CAST: variants seen among roughly 807,000 people sequenced by gnomAD.
CAST encodes calpastatin.
In CAST, 76 loss-of-function variants were observed where a neutral mutation model predicts 119.6. The observed-to-expected ratio is 0.64, with a 90% CI of 0.53 to 0.77. The LOEUF (loss-of-function observed/expected upper bound fraction) is 0.77. Among genes scored for constraint, CAST ranks in the 30% least tolerant of loss-of-function variants. CAST has a pLI of 0.00. For missense variants in CAST, 953 were observed against 946.5 expected (o/e 1.01, Z -0.09); for synonymous variants, 319 against 331.6 (o/e 0.96, Z 0.41).
chr5:96,446,820 A>G, the CAST span, among the ~76,000 whole-genome samples: 1 of 152,222 alleles, frequency 6.6e-6, no homozygotes, highest in African/African-American at 2.4e-5. Context: ...TGGGCTAGAA[A>G]AAAAGAGTTA....
At chr5:96,161,517 C>T in the CAST span, among the ~76,000 whole-genome samples, 2 of 152,156 alleles carry the variant, frequency 1.3e-5, no homozygotes, top group Non-Finnish European at 2.9e-5. Flanking sequence ...CAGTACCACA[C>T]TGTTTTGCTT....
chr5:96,363,034 G>C, the CAST span, among the ~76,000 whole-genome samples: 1 of 150,144 alleles, frequency 6.7e-6, no homozygotes, highest in Non-Finnish European at 1.5e-5. Context: ...AAGGGATCCA[G>C]TTTCAGCTTT....
the CAST span, among the ~76,000 whole-genome samples, chr5:96,364,261 C>T: frequency 7.2e-5 from 11 of 152,100 alleles, no homozygotes; most frequent in Non-Finnish European, 4.4e-5. Context: ...ATTTTTGCAT[C>T]GATGTTCATC....
intron 1 of CAST, among the ~76,000 whole-genome samples, chr5:96,588,196 C>CTT (rs140665192): frequency 3.2e-3 from 239 of 75,808 alleles, no homozygotes; most frequent in Non-Finnish European, 4.1e-3. Context: ...TTCTTTCTTT[C>CTT]TTTTTTTTTT....
At chr5:96,274,344 T>C in the CAST span, among the ~76,000 whole-genome samples, 19 of 151,878 alleles carry the variant, frequency 1.3e-4, no homozygotes, top group African/African-American at 3.9e-4. Context: ...CCTTGTAATC[T>C]GCCCACCCCG....
chr5:95,974,003 GCACACA>G, the CAST span, among the ~76,000 whole-genome samples: 894 of 146,960 alleles, frequency 6.1e-3, 10 homozygotes, highest in African/African-American at 0.02. Flanking sequence ...AAATTTGCAC[GCACACA>G]CACACACACA....
the CAST span, among the ~76,000 whole-genome samples, chr5:96,238,878 A>G: frequency 2.0e-5 from 3 of 152,196 alleles, no homozygotes; most frequent in Admixed American, 6.5e-5. Context: ...TGGATTGAAA[A>G]TGATTGTACA....
intron 2 of CAST, among the ~76,000 whole-genome samples, chr5:96,694,158 A>G (rs1271695898): frequency 6.6e-6 from 1 of 152,252 alleles, no homozygotes; most frequent in Non-Finnish European, 1.5e-5. Context: ...TTTCTTCTAA[A>G]TATTAAAGAA....
chr5:96,297,912 GT>G, the CAST span, among the ~76,000 whole-genome samples: 2 of 152,168 alleles, frequency 1.3e-5, no homozygotes, highest in African/African-American at 4.8e-5. Context: ...AATGACTAGA[GT>G]TCATCTCCTA....
the CAST span, among the ~76,000 whole-genome samples, chr5:96,485,529 CAGTGGGTACCAAA>C: frequency 6.6e-6 from 1 of 152,176 alleles, no homozygotes; most frequent in African/African-American, 2.4e-5. Context: ...AGTAACAAGG[CAGTGGGTACCAAA>C]AGTGGAAGAA....
chr5:96,573,306 T>G (rs1746604728), intron 1 of CAST, among the ~76,000 whole-genome samples: 1 of 152,134 alleles, frequency 6.6e-6, no homozygotes, highest in African/African-American at 2.4e-5. Flanking sequence ...TTATTTTTTA[T>G]GCTTTGTTAT....
the CAST span, among the ~76,000 whole-genome samples, chr5:95,982,867 A>G: frequency 7.2e-5 from 11 of 152,332 alleles, no homozygotes; most frequent in East Asian, 2.1e-3. Context: ...ATTAATTTAT[A>G]AAGACAAATG....
chr5:96,519,323 G>C, the CAST span, among the ~76,000 whole-genome samples: 1 of 152,172 alleles, frequency 6.6e-6, no homozygotes, highest in African/African-American at 2.4e-5. Context: ...AGGTATAGAG[G>C]CTGGCACCAA....
chr5:96,718,685 A>G (rs1757633032), intron 3 of CAST, among the ~76,000 whole-genome samples: 1 of 152,220 alleles, frequency 6.6e-6, no homozygotes, highest in African/African-American at 2.4e-5. Flanking sequence ...TGAATGACTC[A>G]AAGTGAAACT....
chr5:96,020,641 T>C, the CAST span, among the ~76,000 whole-genome samples: 3 of 152,188 alleles, frequency 2.0e-5, no homozygotes, highest in Non-Finnish European at 4.4e-5. Flanking sequence ...TGATGATCTG[T>C]CACTGTCTCC....
intron 1 of CAST, among the ~76,000 whole-genome samples, chr5:96,648,134 G>T (rs565884576): frequency 6.6e-6 from 1 of 152,260 alleles, no homozygotes; most frequent in East Asian, 1.9e-4. Flanking sequence ...CTATCCTTTA[G>T]GTTATATTTT....
intron 1 of CAST, among the ~76,000 whole-genome samples, chr5:96,540,435 A>G (rs13184161): frequency 0.61 from 92,746 of 151,762 alleles, 28,701 homozygotes; most frequent in East Asian, 0.86. Flanking sequence ...GTAACTTTTT[A>G]TTAATGACTT....
chr5:96,729,753 C>A, intron 8 of CAST, 28 bp downstream of exon 8: 1 of 938,948 alleles, frequency 1.1e-6, no homozygotes, highest in Non-Finnish European at 1.8e-6. Flanking sequence ...ATAGGAAAAC[C>A]TTAACATCAA....
At chr5:96,166,528 A>G in the CAST span, among the ~76,000 whole-genome samples, 7 of 152,200 alleles carry the variant, frequency 4.6e-5, no homozygotes, top group East Asian at 1.3e-3. Flanking sequence ...CCATCACAGC[A>G]AATAACTGAT....
Sources: allele counts gnomAD v4.1 joint callset (sites outside exome capture counted in the v4.1 genomes callset), GRCh38; gene constraint gnomAD v4.1.1; transcripts MANE v1.5; gene names NCBI Gene and HGNC (gene_info 2026-07-23, HGNC 2026-07-21).